LRRC43: variants seen among roughly 807,000 people sequenced by gnomAD.
The protein encoded by LRRC43 is leucine-rich repeat-containing protein 43.
A neutral mutation model predicts 64.3 loss-of-function variants in LRRC43; 62 were observed. That is an observed-to-expected ratio of 0.96 (90% CI 0.79 to 1.19). The LOEUF is 1.19. LRRC43 is among the 50% of genes most tolerant of loss of function. The pLI, the probability that LRRC43 is intolerant of heterozygous loss-of-function variation, is 0.00. For missense variants in LRRC43, 868 were observed against 845.0 expected (o/e 1.03, Z -0.34); for synonymous variants, 422 against 382.3 (o/e 1.10, Z -1.21).
rs577217667 is a variant in LRRC43, at chr12:122,183,185, A to G, written c.41A>G (p.Glu14Gly). 70 of 1,559,894 alleles carry G rather than the reference A, an allele frequency of 4.5e-5. No homozygotes were observed. The African/African-American group carries it at 8.9e-4, about 20-fold the overall frequency. The change falls in exon 1 of 12, where the codon GAG (glutamate) becomes GGG (glycine). Residue 14 changes from glutamate (E) to glycine (G), a missense_variant. Glu to Gly is a moderately conservative substitution (Grantham distance 98). Transcript: ENST00000339777. ...SYESESESES[E>G]AGPGTQRPGT... ...GAGTCCGAGTCCGAGTCCGAGTCTG[A>G]GGCCGGGCCTGGGACTCAGCGGCCC...
At chr12:122,187,876 G>A (rs1209894808) in intron 4 of LRRC43, 36 bp downstream of exon 4, 1 of 1,609,870 alleles carries the variant, frequency 6.2e-7, no homozygotes, top group Non-Finnish European at 8.5e-7. Context: ...TGAGAGGGAG[G>A]GATTAAGTAT....
chr12:122,169,715 CAAAAAAAAAA>C (rs1156784202), intron 1 of LRRC43, among the ~76,000 whole-genome samples: 2 of 49,424 alleles, frequency 4.0e-5, no homozygotes, highest in East Asian at 7.8e-4. Flanking sequence ...GACTCCGTCT[CAAAAAAAAAA>C]AAAAAAAAAA....
At chr12:122,170,943 A>G (rs7131941) in intron 1 of LRRC43, among the ~76,000 whole-genome samples, 33,548 of 152,156 alleles carry the variant, frequency 0.22, 3,936 homozygotes, top group African/African-American at 0.28. Flanking sequence ...GGTGAGACCC[A>G]ATGATTGACA....
upstream of LRRC43, chr12:122,182,855 T>C (rs1953594681): frequency 2.3e-6 from 1 of 431,362 alleles, no homozygotes; most frequent in Non-Finnish European, 4.1e-6. Context: ...CCTCTTCTCC[T>C]TTCTCCATCT....
chr12:122,199,950 G>A (rs1428531459), intron 7 of LRRC43, among the ~76,000 whole-genome samples: 6 of 152,148 alleles, frequency 3.9e-5, no homozygotes, highest in Non-Finnish European at 2.9e-5. Context: ...TGCTCAGGGT[G>A]GTCCTGCCTC....
intron 5 of LRRC43, 120 bp from the exon 6 acceptor site, chr12:122,191,260 C>A: frequency 1.2e-6 from 1 of 821,702 alleles, no homozygotes; most frequent in South Asian, 1.9e-5. Context: ...ACCGCCCCAC[C>A]AAGGCTCAGC....
chr12:122,182,145 T>G (rs970576123), upstream of LRRC43, among the ~76,000 whole-genome samples: 1 of 151,360 alleles, frequency 6.6e-6, no homozygotes, highest in Admixed American at 6.6e-5. Context: ...CCCAACACTT[T>G]GGGAGGCTGA....
Position 122,191,388 on chromosome 12 carries a change from G to A in LRRC43, c.910G>A (p.Ala304Thr). The A allele has an allele frequency of 1.2e-6, 2 of 1,610,468 alleles. No homozygotes were observed. The highest frequency in any genetic ancestry group is 1.7e-6 in the Non-Finnish European group (2 of 1,178,288). The change falls in exon 6 of 12, where the codon GCA becomes ACA. Residue 304 changes from alanine to threonine, a missense_variant. Ala to Thr is a moderately conservative substitution (Grantham distance 58, BLOSUM62 0). Coordinates refer to ENST00000339777, the MANE Select transcript of LRRC43 (RefSeq NM_001098519.2). ...RGLSLNGDLL[A>T]QEAQFVVTIG... ...CCCATTCCTCCCTGCAGATCTCTTG[G>A]CACAGGAGGCGCAGTTTGTGGTGAC...
intron 4 of LRRC43, chr12:122,189,306 G>T (rs1953685364): frequency 7.3e-6 from 3 of 408,450 alleles, no homozygotes; most frequent in Admixed American, 5.4e-5. Flanking sequence ...CATGCCCTTG[G>T]GGGGTCCAAC....
upstream of LRRC43, among the ~76,000 whole-genome samples, chr12:122,178,736 C>T (rs376592510): frequency 1.2e-4 from 18 of 151,834 alleles, no homozygotes; most frequent in South Asian, 2.1e-3. Context: ...GGATTACAGG[C>T]GTGAGCCACC....
At position 122,187,847 on chromosome 12, in the gene LRRC43, CG is replaced by C. The variant is rs768033305; in HGVS notation, c.662+10del. On this transcript the variant is annotated splice_region_variant and intron_variant, in intron 4 of 11. Transcript: ENST00000339777. Reference sequence around the variant, plus strand: ...ACGTCACCGCTAATCACTGGTAACTCGGGAGCCCAGATGGAAAGTGAGAGGG... The same window carrying C: ...ACGTCACCGCTAATCACTGGTAACTCGGAGCCCAGATGGAAAGTGAGAGGG... The C allele has an allele frequency of 6.2e-7, 1 of 1,613,664 alleles. No individual in the cohort carries two copies. The highest frequency in any genetic ancestry group is 8.5e-7 in the Non-Finnish European group (1 of 1,179,772).
chr12:122,186,954 A>G (rs1465830987), intron 3 of LRRC43, among the ~76,000 whole-genome samples: 1 of 151,218 alleles, frequency 6.6e-6, no homozygotes, highest in Non-Finnish European at 1.5e-5. Context: ...CTATTCACTC[A>G]TAGAAAGGAA....
At chr12:122,197,920 A>G (rs1035335259) in intron 7 of LRRC43, among the ~76,000 whole-genome samples, 4 of 151,574 alleles carry the variant, frequency 2.6e-5, no homozygotes, top group East Asian at 1.9e-4. Flanking sequence ...TTTTTTTTTC[A>G]TGCCATTTTT....
chr12:122,181,236 TTTC>T (rs1351809952), upstream of LRRC43, among the ~76,000 whole-genome samples: 1 of 151,266 alleles, frequency 6.6e-6, no homozygotes, highest in African/African-American at 2.4e-5. Flanking sequence ...AAAAGGATAT[TTTC>T]TTCTTTGAAA....
intron 1 of LRRC43, chr12:122,174,123 C>G: frequency 6.2e-7 from 1 of 1,614,058 alleles, no homozygotes; most frequent in Non-Finnish European, 8.5e-7. Context: ...TAAGATGATG[C>G]CCAAGACTCC....
intron 7 of LRRC43, among the ~76,000 whole-genome samples, chr12:122,198,623 C>CTTTTTTTTTTTT (rs1012460173): frequency 1.0e-5 from 1 of 100,496 alleles, no homozygotes; most frequent in African/African-American, 4.7e-5. Flanking sequence ...TGCTTCATTC[C>CTTTTTTTTTTTT]TTTTTTTTTT....
At chr12:122,177,245 G>A (rs1387334675) in intron 1 of LRRC43, among the ~76,000 whole-genome samples, 1 of 152,118 alleles carries the variant, frequency 6.6e-6, no homozygotes, top group Non-Finnish European at 1.5e-5. Context: ...GAGAGATTAC[G>A]AGCAAGAGAA....
chr12:122,175,351 G>A (rs1391225088), intron 1 of LRRC43, among the ~76,000 whole-genome samples: 1 of 151,718 alleles, frequency 6.6e-6, no homozygotes, highest in African/African-American at 2.4e-5. Context: ...TGTATTTTTA[G>A]TAGAGACGGG....
Position 122,169,715 on chromosome 12 carries a change from CAAAAAAAAAAA to C in LRRC43, c.-406+1947_-406+1957del, listed in dbSNP as rs1156784202. Among the ~76,000 whole-genome samples, 21 of 49,464 alleles carry C rather than the reference CAAAAAAAAAAA, an allele frequency of 4.2e-4. No individual in the cohort carries two copies. In the Admixed American group the frequency reaches 4.5e-3, roughly 11 times the overall value. 32.5% of individuals were successfully genotyped at this position (49,464 alleles called of 152,430 possible). ...TGGGCGACAGAGCGAGACTCCGTCT[CAAAAAAAAAAA>C]AAAAAAAAAAAAAGAATTCTATAAG... On this transcript the variant is annotated intron_variant, in intron 1 of 5. Coordinates refer to the LRRC43 transcript ENST00000537729.
Sources: gnomAD v4.1 joint callset for allele counts (sites outside exome capture counted in the v4.1 genomes callset) on GRCh38, gnomAD v4.1.1 for gene constraint, MANE v1.5 for transcripts, NCBI Gene and HGNC (gene_info 2026-07-23, HGNC 2026-07-21) for gene names.